MTRR: variants seen among roughly 807,000 people sequenced by gnomAD.
MTRR encodes methionine synthase reductase.
In MTRR, 63 loss-of-function variants were observed where a neutral mutation model predicts 79.2. The observed-to-expected ratio is 0.80, with a 90% CI of 0.65 to 0.98. MTRR has a LOEUF of 0.98. Among genes scored for constraint, MTRR ranks in the 50% least tolerant of loss-of-function variants. MTRR has a pLI of 0.00. For synonymous variants in MTRR, 355 were observed against 313.3 expected, an observed-to-expected ratio of 1.13 and a Z score of -1.41; for missense variants, 895 against 839.6, an observed-to-expected ratio of 1.07 and a Z score of -0.82.
intron 10 of MTRR, among the ~76,000 whole-genome samples, chr5:7,892,013 G>A (rs1458076402): frequency 6.6e-6 from 1 of 152,122 alleles, no homozygotes; most frequent in African/African-American, 2.4e-5. Flanking sequence ...CTGCACTCCA[G>A]CCTGGGCGAC....
At chr5:7,867,681 G>A, upstream of MTRR, 3 of 1,614,154 alleles carry the variant, frequency 1.9e-6, no homozygotes, top group Non-Finnish European at 2.5e-6. Flanking sequence ...CAAATTCGTT[G>A]TAAAGCTCCT....
At chr5:7,873,598 A>AT in intron 3 of MTRR, 72 bp downstream of exon 3, 3 of 1,547,866 alleles carry the variant, frequency 1.9e-6, no homozygotes, top group Non-Finnish European at 2.7e-6. Flanking sequence ...TATCTTTCAG[A>AT]ACTATGAAGT....
At chr5:7,875,842 G>A (rs1323298480) in intron 4 of MTRR, among the ~76,000 whole-genome samples, 1 of 152,252 alleles carries the variant, frequency 6.6e-6, no homozygotes, top group African/African-American at 2.4e-5. Flanking sequence ...CTTACCGTCT[G>A]AACGGCCATT....
chr5:7,887,840 T>TC (rs1433659138), intron 8 of MTRR, among the ~76,000 whole-genome samples: 2 of 101,548 alleles, frequency 2.0e-5, no homozygotes, highest in African/African-American at 9.6e-5. Context: ...ATGGGTTTTT[T>TC]CAAAAATAGT....
Position 7,895,825 on chromosome 5 carries a change from C to T in MTRR, c.1649C>T (p.Ala550Val). 6.2e-7 allele frequency: 1 copy of T among 1,614,124 alleles called. No individual in the cohort carries two copies. The highest frequency in any genetic ancestry group is 8.5e-7 in the Non-Finnish European group (1 of 1,179,986). ...IIMVGPGTGI[A>V]PFIGFLQHRE... is the part of the protein sequence containing the mutation. ...ATGGTGGGTCCAGGAACCGGCATAG[C>T]CCCGTTTATTGGGTTCCTACAACAT... The change falls in exon 12 of 15, where the codon GCC becomes GTC. Residue 550 changes from alanine (A) to valine (V), a missense_variant. Physicochemically the swap from Ala to Val is moderately conservative, Grantham distance 64. Transcript: ENST00000440940.
intron 2 of MTRR, among the ~76,000 whole-genome samples, chr5:7,872,801 G>C (rs1748211849): frequency 6.6e-6 from 1 of 152,002 alleles, no homozygotes; most frequent in African/African-American, 2.4e-5. Flanking sequence ...TTATTTCTGA[G>C]TCTCCCCATC....
At chr5:7,885,654 T>G (rs1561223377) in intron 6 of MTRR, 47 bp from the exon 7 acceptor site, 2 of 1,562,468 alleles carry the variant, frequency 1.3e-6, no homozygotes, top group Middle Eastern at 1.7e-4. Context: ...TTAAACTATG[T>G]AACACGTATA....
rs763175326 is a variant in MTRR at position 7,875,369 on chromosome 5, G to C, written c.395G>C (p.Cys132Ser). ...HFYDTGHADD[C>S]VGLELVVEPW... ...TATGACACTGGACATGCAGATGACTGTGTAGGGTAAGGGCAGTGTTCTCTG... is the reference window on the plus strand; with the variant it reads ...TATGACACTGGACATGCAGATGACTCTGTAGGGTAAGGGCAGTGTTCTCTG... The change falls in exon 4 of 15, where the codon TGT (cysteine) becomes TCT (serine). Residue 132 changes from cysteine (C) to serine (S), a missense_variant. Transcript: ENST00000440940. The C allele has an allele frequency of 8.7e-6, 14 of 1,608,930 alleles. No individual in the cohort carries two copies. The highest frequency in any genetic ancestry group is 5.5e-5 in the South Asian group (5 of 90,930).
upstream of MTRR, chr5:7,866,641 C>T (rs868042863): frequency 4.5e-6 from 7 of 1,563,242 alleles, no homozygotes; most frequent in African/African-American, 9.6e-5. Flanking sequence ...TTATAACCAA[C>T]TCACCTTGCA....
At position 7,900,037 on chromosome 5, in the gene MTRR, C is replaced by T. The variant is rs984089159; in HGVS notation, c.2076C>T (p.Tyr692=). ...CCACTTTAAAAGAAGAAAAACGCTACCTTCAGGATATTTGGTCATAAAACC... is the reference window on the plus strand; with the variant it reads ...CCACTTTAAAAGAAGAAAAACGCTATCTTCAGGATATTTGGTCATAAAACC... ...TLATLKEEKR[Y]LQDIWS Residue 692 remains tyrosine (Y), a synonymous_variant, in exon 15 of 15, where the codon TAC becomes TAT. Coordinates refer to ENST00000440940, the MANE Select transcript of MTRR (RefSeq NM_002454.3). 6 of 1,613,516 alleles carry T rather than the reference C, an allele frequency of 3.7e-6. No homozygotes were observed. Among genetic ancestry groups the T allele is most frequent in the East Asian group, 2.2e-5 (1 of 44,868 alleles).
intron 3 of MTRR, among the ~76,000 whole-genome samples, chr5:7,874,907 A>T (rs2126672976): frequency 6.6e-6 from 1 of 152,338 alleles, no homozygotes; most frequent in Non-Finnish European, 1.5e-5. Flanking sequence ...GCTCAGTATC[A>T]GAAAAAATGT....
At position 7,895,724 on chromosome 5, in the gene MTRR, A is replaced by G; in HGVS notation, c.1558-10A>G. ...CTTTCATACTTACCACATTTGATGT[A>G]ATATTTCAGATATCCATCTCTCCTC... On this transcript the variant is annotated splice_polypyrimidine_tract_variant and intron_variant, in intron 11 of 14. Coordinates refer to ENST00000440940, the MANE Select transcript of MTRR (RefSeq NM_002454.3). The G allele has an allele frequency of 6.2e-7, 1 of 1,613,894 alleles. No homozygotes were observed. Among genetic ancestry groups the G allele is most frequent in the South Asian group, 1.1e-5 (1 of 91,078 alleles).
intron 8 of MTRR, among the ~76,000 whole-genome samples, chr5:7,888,817 C>A (rs1306541697): frequency 6.6e-6 from 1 of 152,186 alleles, no homozygotes; most frequent in African/African-American, 2.4e-5. Flanking sequence ...AAAATTCTTA[C>A]TAGCAAGTTT....
chr5:7,854,175 C>G (rs546290461), intron 1 of MTRR, among the ~76,000 whole-genome samples: 1 of 151,946 alleles, frequency 6.6e-6, no homozygotes, highest in Admixed American at 6.6e-5. Flanking sequence ...TGTACTCGTA[C>G]TCAAAAGTTC....
intron 11 of MTRR, among the ~76,000 whole-genome samples, chr5:7,894,721 A>G (rs144802173): frequency 6.6e-6 from 1 of 152,302 alleles, no homozygotes; most frequent in Non-Finnish European, 1.5e-5. Flanking sequence ...TTCCTAAGAC[A>G]TTGGGAAGTC....
intron 11 of MTRR, chr5:7,893,390 C>G (rs1021986900): frequency 5.8e-6 from 1 of 172,530 alleles, no homozygotes; most frequent in African/African-American, 2.4e-5. Context: ...CCCTGTTTTT[C>G]TGCTTTTGTT....
intron 2 of MTRR, among the ~76,000 whole-genome samples, chr5:7,871,301 C>T (rs998183071): frequency 2.6e-5 from 4 of 152,110 alleles, no homozygotes; most frequent in Admixed American, 6.5e-5. Context: ...AAGGCCTTGC[C>T]GTGCGTGTTA....
chr5:7,871,481 CTTTTA>C (rs1395560804), intron 2 of MTRR, among the ~76,000 whole-genome samples: 2 of 152,188 alleles, frequency 1.3e-5, no homozygotes, highest in African/African-American at 4.8e-5. Context: ...ATCTTGTGTT[CTTTTA>C]TTTAGTTTGC....
intron 9 of MTRR, 97 bp downstream of exon 9, chr5:7,889,372 C>G: frequency 1.6e-6 from 2 of 1,279,108 alleles, no homozygotes; most frequent in South Asian, 1.2e-5. Flanking sequence ...TCTTGTCTTA[C>G]CCTTTGTATC....
Sources: allele counts gnomAD v4.1 joint callset (sites outside exome capture counted in the v4.1 genomes callset), GRCh38; gene constraint gnomAD v4.1.1; transcripts MANE v1.5; gene names NCBI Gene and HGNC (gene_info 2026-07-23, HGNC 2026-07-21).